Variants in GABRA1 observed in about 807,000 individuals in gnomAD.
The protein encoded by GABRA1 is gamma-aminobutyric acid type A receptor subunit alpha1, also known as gamma-aminobutyric acid receptor subunit alpha-1.
In GABRA1, 9 loss-of-function variants were observed where a neutral mutation model predicts 48.9. That is an observed-to-expected ratio of 0.18 (90% CI 0.11 to 0.32). The LOEUF (loss-of-function observed/expected upper bound fraction) is 0.32. GABRA1 is among the 10% of genes least tolerant of loss of function. The pLI is 1.00. For synonymous variants in GABRA1, 210 were observed against 198.7 expected, an observed-to-expected ratio of 1.06 and a Z score of -0.48; for missense variants, 285 against 553.8, an observed-to-expected ratio of 0.51 and a Z score of 4.87.
At chr5:161,849,514 G>C (rs984020773) in intron 1 of GABRA1, among the ~76,000 whole-genome samples, 1 of 151,902 alleles carries the variant, frequency 6.6e-6, no homozygotes, top group African/African-American at 2.4e-5. Context: ...AGACCATTTC[G>C]CTCTAAACAT....
At chr5:161,886,215 G>T (rs1245799580) in intron 7 of GABRA1, among the ~76,000 whole-genome samples, 17 of 152,074 alleles carry the variant, frequency 1.1e-4, no homozygotes, top group Non-Finnish European at 2.9e-5. Flanking sequence ...CCAATAACAG[G>T]CATCAGAGAC....
At chr5:161,877,943 G>T (rs1356580061) in intron 6 of GABRA1, among the ~76,000 whole-genome samples, 1 of 152,012 alleles carries the variant, frequency 6.6e-6, no homozygotes, top group Non-Finnish European at 1.5e-5. Flanking sequence ...ATCGAAATTT[G>T]CTTACAGTCT....
intron 4 of GABRA1, among the ~76,000 whole-genome samples, chr5:161,872,901 T>C (rs1041739019): frequency 2.0e-5 from 3 of 152,272 alleles, no homozygotes; most frequent in Admixed American, 6.5e-5. Context: ...AAAAAATATG[T>C]CAGGCATTTT....
intron 5 of GABRA1, among the ~76,000 whole-genome samples, chr5:161,874,872 C>T (rs1166351136): frequency 6.6e-6 from 1 of 151,884 alleles, no homozygotes; most frequent in Non-Finnish European, 1.5e-5. Flanking sequence ...GAACTTCTTT[C>T]TTAGCAATCC....
chr5:161,897,067 C>G (rs755162647), intron 9 of GABRA1, 44 bp from the exon 10 acceptor site: 6 of 1,591,582 alleles, frequency 3.8e-6, no homozygotes, highest in South Asian at 1.1e-5. Flanking sequence ...AATTTTGCTT[C>G]TCACTGTTTA....
At chr5:161,877,890 G>A (rs1754431782) in intron 6 of GABRA1, among the ~76,000 whole-genome samples, 1 of 152,098 alleles carries the variant, frequency 6.6e-6, no homozygotes, top group Non-Finnish European at 1.5e-5. Context: ...CTCTCCACAT[G>A]TCAGCATAAA....
chr5:161,874,445 T>TCC (rs111834922), intron 5 of GABRA1, among the ~76,000 whole-genome samples: 33 of 151,780 alleles, frequency 2.2e-4, no homozygotes, highest in South Asian at 8.3e-4. Context: ...TTTGAAATAT[T>TCC]CCCCCCTGAT....
intron 3 of GABRA1, among the ~76,000 whole-genome samples, chr5:161,864,481 C>T (rs1757978968): frequency 6.6e-6 from 1 of 151,934 alleles, no homozygotes; most frequent in South Asian, 2.1e-4. Flanking sequence ...TAACTCTTCA[C>T]AAGTAAATTG....
In GABRA1 at chr5:161,897,892, A is replaced by G. The variant is rs2290732; in HGVS notation, c.*470A>G. 0.6 allele frequency: 92,280 copies of G among 154,248 alleles called. 28,027 individuals are homozygous for G. Among genetic ancestry groups the G allele is most frequent in the Admixed American group, 0.68 (10,593 of 15,498 alleles). 9.6% of individuals were successfully genotyped at this position (154,248 alleles called of 1,614,324 possible). A position where few individuals can be genotyped will look rare whatever the true frequency, so the allele number is the denominator to read the frequency against. On this transcript the variant is annotated 3_prime_UTR_variant, in exon 10 of 10. Coordinates refer to ENST00000393943, the MANE Select transcript of GABRA1 (RefSeq NM_001127644.2). ...TTAAAAATCTACGTCTTTATTACAC[A>G]AACTATGGTGTGCTTATGTTTTTGT... is the stretch of plus-strand genomic sequence containing the variant.
At chr5:161,895,615 A>C (rs761091878) in intron 8 of GABRA1, 51 bp from the exon 9 acceptor site, 1 of 1,504,902 alleles carries the variant, frequency 6.6e-7, no homozygotes, top group South Asian at 1.1e-5. Flanking sequence ...CATCATGATG[A>C]AATTTCACAG....
At chr5:161,851,566 A>G (rs1238969303) in intron 2 of GABRA1, among the ~76,000 whole-genome samples, 2 of 152,072 alleles carry the variant, frequency 1.3e-5, no homozygotes, top group African/African-American at 4.8e-5. Flanking sequence ...AGTATTACAG[A>G]TTTTTCTTTA....
At chr5:161,879,041 G>A (rs1332714869) in intron 6 of GABRA1, among the ~76,000 whole-genome samples, 1 of 152,126 alleles carries the variant, frequency 6.6e-6, no homozygotes, top group East Asian at 1.9e-4. Flanking sequence ...AGTAATATAT[G>A]TTCCCAGTGT....
chr5:161,861,290 C>G (rs1757850320), intron 3 of GABRA1, among the ~76,000 whole-genome samples: 1 of 151,720 alleles, frequency 6.6e-6, no homozygotes. Context: ...CTACTATGTT[C>G]TCACAACAAT....
intron 7 of GABRA1, among the ~76,000 whole-genome samples, chr5:161,890,632 T>G (rs1447629152): frequency 6.6e-6 from 1 of 152,044 alleles, no homozygotes; most frequent in Non-Finnish European, 1.5e-5. Flanking sequence ...TCAGATTTGT[T>G]CCTCCAATAT....
upstream of GABRA1, chr5:161,847,641 A>C (rs1036494585): frequency 1.3e-5 from 2 of 152,228 alleles, no homozygotes; most frequent in Non-Finnish European, 2.9e-5. Context: ...TCTGCAAGAC[A>C]CGGGGACTTA....
At chr5:161,889,679 G>T (rs531777902) in intron 7 of GABRA1, among the ~76,000 whole-genome samples, 7 of 152,182 alleles carry the variant, frequency 4.6e-5, no homozygotes, top group African/African-American at 1.7e-4. Context: ...AGATTAGGAA[G>T]TTTGCTTGTT....
intron 4 of GABRA1, 98 bp from the exon 5 acceptor site, chr5:161,873,019 A>G: frequency 1.2e-6 from 1 of 865,196 alleles, no homozygotes; most frequent in Non-Finnish European, 2.0e-6. Flanking sequence ...CTAACATTAT[A>G]CTTCCAAAGT....
intron 3 of GABRA1, among the ~76,000 whole-genome samples, chr5:161,859,231 T>C (rs953800658): frequency 4.6e-5 from 7 of 151,774 alleles, no homozygotes; most frequent in African/African-American, 1.7e-4. Flanking sequence ...ACAAATCATT[T>C]ATGCCTCAGA....
At chr5:161,886,086 A>G (rs1361408075) in intron 7 of GABRA1, among the ~76,000 whole-genome samples, 1 of 152,154 alleles carries the variant, frequency 6.6e-6, no homozygotes, top group Non-Finnish European at 1.5e-5. Context: ...GATGGGATAT[A>G]TGGGGGCCCA....
Sources: allele counts gnomAD v4.1 joint callset (sites outside exome capture counted in the v4.1 genomes callset), GRCh38; gene constraint gnomAD v4.1.1; transcripts MANE v1.5; gene names NCBI Gene and HGNC (gene_info 2026-07-23, HGNC 2026-07-21).